The following TBC1D22A variants were observed in gnomAD, a reference collection of about 807,000 sequenced individuals.
TBC1D22A encodes TBC1 domain family member 22A.
In TBC1D22A, 38 loss-of-function variants were observed where a neutral mutation model predicts 60.2. The ratio of observed to expected loss-of-function variants is 0.63; its 90% CI spans 0.49 to 0.83. The LOEUF is 0.83. Among genes scored for constraint, TBC1D22A ranks in the 40% least tolerant of loss-of-function variants. The probability of loss-of-function intolerance (pLI) is 0.00; values close to 1 mark genes in which losing one functional copy is unlikely to be tolerated. For synonymous variants in TBC1D22A, 302 were observed against 281.7 expected (o/e 1.07, Z -0.72); for missense variants, 628 against 701.0 (o/e 0.90, Z 1.18).
chr22:47,168,914 G>A (rs1405417020), intron 12 of TBC1D22A, among the ~76,000 whole-genome samples: 1 of 152,262 alleles, frequency 6.6e-6, no homozygotes, highest in Non-Finnish European at 1.5e-5. Flanking sequence ...AGCATCGGAA[G>A]CCTCACCTGG....
At chr22:46,902,928 T>A (rs772480986) in intron 7 of TBC1D22A, among the ~76,000 whole-genome samples, 1 of 150,506 alleles carries the variant, frequency 6.6e-6, no homozygotes, top group South Asian at 2.1e-4. Context: ...ACAGTTTGTA[T>A]CCTGCCGACT....
At chr22:47,104,934 TC>T (rs1441202372) in intron 11 of TBC1D22A, among the ~76,000 whole-genome samples, 4 of 151,756 alleles carry the variant, frequency 2.6e-5, no homozygotes, top group Non-Finnish European at 4.4e-5. Context: ...CTTTCACTTG[TC>T]CCCCCTTTCT....
chr22:47,145,040 C>T (rs373860978), intron 12 of TBC1D22A, among the ~76,000 whole-genome samples: 4 of 152,238 alleles, frequency 2.6e-5, no homozygotes, highest in South Asian at 4.1e-4. Flanking sequence ...CGTTAATAAG[C>T]GCGCACCACG....
chr22:47,109,582 A>G (rs2065770134), intron 11 of TBC1D22A, among the ~76,000 whole-genome samples: 1 of 152,118 alleles, frequency 6.6e-6, no homozygotes, highest in Admixed American at 6.5e-5. Flanking sequence ...CTCCACCAGG[A>G]TCCCCAAGTG....
intron 4 of TBC1D22A, among the ~76,000 whole-genome samples, chr22:46,803,068 GTGTTTAAA>G (rs920764458): frequency 6.6e-6 from 1 of 152,148 alleles, no homozygotes; most frequent in African/African-American, 2.4e-5. Context: ...GGAAAGCAGT[GTGTTTAAA>G]TGCTCCCATG....
chr22:46,912,886 G>A (rs568610776), intron 8 of TBC1D22A, among the ~76,000 whole-genome samples: 1 of 152,290 alleles, frequency 6.6e-6, no homozygotes, highest in Non-Finnish European at 1.5e-5. Flanking sequence ...TAAGATTAAG[G>A]TGATAGAGTG....
chr22:46,863,154 G>A (rs1367590021), intron 4 of TBC1D22A, among the ~76,000 whole-genome samples: 1 of 152,134 alleles, frequency 6.6e-6, no homozygotes, highest in Admixed American at 6.5e-5. Flanking sequence ...TGGAGTGAAG[G>A]CAACATGCGC....
At chr22:46,993,850 C>T (rs770373030) in intron 9 of TBC1D22A, among the ~76,000 whole-genome samples, 8 of 152,108 alleles carry the variant, frequency 5.3e-5, no homozygotes, top group South Asian at 2.1e-4. Context: ...GGCCCCAGAG[C>T]GGGGCCTTCT....
At chr22:46,898,424 G>A (rs1426055190) in intron 7 of TBC1D22A, among the ~76,000 whole-genome samples, 1 of 152,118 alleles carries the variant, frequency 6.6e-6, no homozygotes, top group African/African-American at 2.4e-5. Flanking sequence ...TGATTTTCAG[G>A]GCTCCAAATT....
rs1391207243 is a variant in TBC1D22A, at chr22:47,028,083, G to A, written c.1202-8988G>A. ...TTTGGAGGGGTGTGCTGAGTAGCTC[G>A]TGTGCACGTCTGTGAGGTGAAAATG... On this transcript the variant is annotated intron_variant, in intron 10 of 12. Transcript: ENST00000337137. This position sits in a 1 kb window ranked among gnomAD's most constrained non-coding sequence, Gnocchi z 4.4. Among the ~76,000 whole-genome samples the A allele has an allele frequency of 6.6e-6, 1 of 152,156 alleles. No homozygotes were observed. The highest frequency in any genetic ancestry group is 1.5e-5 in the Non-Finnish European group (1 of 68,030).
intron 8 of TBC1D22A, among the ~76,000 whole-genome samples, chr22:46,961,239 GT>G (rs546462213): frequency 8.7e-4 from 133 of 152,220 alleles, no homozygotes; most frequent in African/African-American, 3.2e-3. Context: ...AGACAATCTT[GT>G]TTTGTAAAAA....
At chr22:46,833,007 G>C (rs2086375630) in intron 4 of TBC1D22A, among the ~76,000 whole-genome samples, 2 of 152,212 alleles carry the variant, frequency 1.3e-5, no homozygotes. Flanking sequence ...AGAGCACAAA[G>C]CATGTATGCA....
At chr22:46,965,216 G>A (rs2073740313) in intron 8 of TBC1D22A, among the ~76,000 whole-genome samples, 1 of 152,234 alleles carries the variant, frequency 6.6e-6, no homozygotes, top group Non-Finnish European at 1.5e-5. Context: ...TGTATTTCTT[G>A]ATTTTTCGTT....
intron 11 of TBC1D22A, among the ~76,000 whole-genome samples, chr22:47,060,371 A>G (rs188861213): frequency 0.011 from 1,664 of 150,644 alleles, 20 homozygotes; most frequent in African/African-American, 0.038. Flanking sequence ...CCTCCCAAGT[A>G]GTTGGGATTA....
At chr22:46,895,334 A>G (rs1028194517) in intron 7 of TBC1D22A, among the ~76,000 whole-genome samples, 2 of 152,032 alleles carry the variant, frequency 1.3e-5, no homozygotes, top group Non-Finnish European at 2.9e-5. Context: ...TTGGAGCTGC[A>G]TAACTCTTTG....
At chr22:46,829,258 A>G (rs1011116237) in intron 4 of TBC1D22A, among the ~76,000 whole-genome samples, 1 of 152,154 alleles carries the variant, frequency 6.6e-6, no homozygotes, top group Non-Finnish European at 1.5e-5. Flanking sequence ...CCCTCAGGGT[A>G]GGGGTGCATC....
intron 11 of TBC1D22A, among the ~76,000 whole-genome samples, chr22:47,051,922 G>A (rs1230390271): frequency 6.6e-6 from 1 of 152,262 alleles, no homozygotes; most frequent in African/African-American, 2.4e-5. Context: ...CTGTGCGGAG[G>A]TGAACAGAAG....
intron 12 of TBC1D22A, among the ~76,000 whole-genome samples, chr22:47,138,364 C>T (rs1031081304): frequency 5.9e-5 from 9 of 152,048 alleles, no homozygotes; most frequent in East Asian, 1.9e-4. Context: ...TGGGGAGGAG[C>T]GAGCAGTAGG....
chr22:46,774,184 G>A, intron 1 of TBC1D22A: 1 of 985,560 alleles, frequency 1.0e-6, no homozygotes, highest in Non-Finnish European at 1.2e-6. Flanking sequence ...CCTCCAGGCT[G>A]GGGGAAAACC....
Sources: gnomAD v4.1 joint callset for allele counts (sites outside exome capture counted in the v4.1 genomes callset) on GRCh38, gnomAD v4.1.1 for gene constraint, Gnocchi (gnomAD v3.1) non-coding constraint, MANE v1.5 for transcripts, NCBI Gene and HGNC (gene_info 2026-07-23, HGNC 2026-07-21) for gene names.